CDH12: variants seen among roughly 807,000 people sequenced by gnomAD.
CDH12 encodes cadherin-12.
Under a neutral mutation model 74.1 loss-of-function variants are expected in CDH12, and 41 were observed. That is an observed-to-expected ratio of 0.55 (90% CI 0.43 to 0.72). The LOEUF (loss-of-function observed/expected upper bound fraction) is 0.72. Ranked by LOEUF, CDH12 falls within the 30% of genes least tolerant of loss-of-function variation. CDH12 has a pLI of 0.00. For missense variants in CDH12, 945 were observed against 977.2 expected, an observed-to-expected ratio of 0.97 and a Z score of 0.44; for synonymous variants, 399 against 355.0, an observed-to-expected ratio of 1.12 and a Z score of -1.39.
chr5:22,828,716 G>A (rs533274210), intron 1 of CDH12, among the ~76,000 whole-genome samples: 23 of 152,254 alleles, frequency 1.5e-4, no homozygotes, highest in South Asian at 4.1e-4. Context: ...TATTCTGTGC[G>A]TGCTAGAAAA....
At chr5:22,028,511 A>G (rs1211423988) in intron 5 of CDH12, among the ~76,000 whole-genome samples, 6 of 152,188 alleles carry the variant, frequency 3.9e-5, no homozygotes, top group Non-Finnish European at 5.9e-5. Flanking sequence ...CCCATTCACA[A>G]TTGCTTCAAA....
chr5:22,678,495 T>A (rs1238877586), intron 1 of CDH12, among the ~76,000 whole-genome samples: 1 of 152,156 alleles, frequency 6.6e-6, no homozygotes, highest in Non-Finnish European at 1.5e-5. Flanking sequence ...ATGAATGGTA[T>A]ATAATGAGAG....
intron 3 of CDH12, among the ~76,000 whole-genome samples, chr5:22,360,935 A>G (rs1167479285): frequency 2.0e-5 from 3 of 152,174 alleles, no homozygotes; most frequent in African/African-American, 7.2e-5. Flanking sequence ...GTATCTCAAA[A>G]TAATAAGAGC....
chr5:22,220,371 AAATG>A (rs1271838877), intron 3 of CDH12, among the ~76,000 whole-genome samples: 1 of 151,390 alleles, frequency 6.6e-6, no homozygotes, highest in African/African-American at 2.4e-5. Flanking sequence ...AAAGTCCCAT[AAATG>A]AATGCATCTA....
At chr5:22,724,050 C>T (rs116308254) in intron 1 of CDH12, among the ~76,000 whole-genome samples, 1,779 of 151,540 alleles carry the variant, frequency 0.012, 29 homozygotes, top group African/African-American at 0.041. Flanking sequence ...AAATTCTTAG[C>T]GTCACATAGG....
intron 1 of CDH12, among the ~76,000 whole-genome samples, chr5:22,671,217 A>C (rs1740882454): frequency 6.6e-6 from 1 of 152,102 alleles, no homozygotes; most frequent in African/African-American, 2.4e-5. Context: ...TAATAAACAC[A>C]TTCAACATTC....
chr5:22,306,840 G>T (rs1232271099), intron 3 of CDH12, among the ~76,000 whole-genome samples: 1 of 152,132 alleles, frequency 6.6e-6, no homozygotes, highest in Non-Finnish European at 1.5e-5. Context: ...GATGTACCAT[G>T]CCTCTACATT....
At chr5:21,879,694 G>A (rs1157183251) in intron 6 of CDH12, among the ~76,000 whole-genome samples, 3 of 152,026 alleles carry the variant, frequency 2.0e-5, no homozygotes, top group African/African-American at 7.3e-5. Flanking sequence ...TAAGCCAGGG[G>A]TAAAATATAG....
chr5:21,874,791 A>C (rs1355624766), intron 6 of CDH12, among the ~76,000 whole-genome samples: 1 of 152,102 alleles, frequency 6.6e-6, no homozygotes, highest in African/African-American at 2.4e-5. Context: ...GGCGGTGCCC[A>C]TTGCTGCTCC....
At chr5:22,030,441 A>G (rs952485938) in intron 5 of CDH12, among the ~76,000 whole-genome samples, 1 of 152,156 alleles carries the variant, frequency 6.6e-6, no homozygotes, top group African/African-American at 2.4e-5. Context: ...ATTGTGAATG[A>G]GCAGTAATAT....
intron 3 of CDH12, among the ~76,000 whole-genome samples, chr5:22,338,705 C>A (rs1739707498): frequency 6.6e-6 from 1 of 151,744 alleles, no homozygotes; most frequent in Non-Finnish European, 1.5e-5. Flanking sequence ...TACTATGTAC[C>A]CACAAAATTT....
chr5:22,107,133 CTT>C (rs562097009), intron 4 of CDH12, among the ~76,000 whole-genome samples: 1,915 of 138,852 alleles, frequency 0.014, 51 homozygotes, highest in African/African-American at 0.048. Flanking sequence ...CACATTTCTA[CTT>C]TTTTTTTTTT....
At chr5:21,930,531 G>T (rs747185057) in intron 6 of CDH12, among the ~76,000 whole-genome samples, 24 of 152,032 alleles carry the variant, frequency 1.6e-4, no homozygotes, top group Non-Finnish European at 3.2e-4. Flanking sequence ...TACATAATAG[G>T]GTTGTCCTGA....
chr5:21,930,130 T>C (rs1055961113), intron 6 of CDH12, among the ~76,000 whole-genome samples: 5 of 152,188 alleles, frequency 3.3e-5, no homozygotes, highest in Non-Finnish European at 5.9e-5. Context: ...AATCACAGAT[T>C]TAATGAGTGA....
chr5:22,406,080 C>T (rs1280170491), intron 2 of CDH12, among the ~76,000 whole-genome samples: 1 of 152,090 alleles, frequency 6.6e-6, no homozygotes, highest in African/African-American at 2.4e-5. Context: ...CAATTCAATA[C>T]TGGTTGAATC....
At chr5:22,454,506 T>C (rs1745188688) in intron 2 of CDH12, among the ~76,000 whole-genome samples, 1 of 151,978 alleles carries the variant, frequency 6.6e-6, no homozygotes, top group Admixed American at 6.6e-5. Flanking sequence ...TGGAGTCTCA[T>C]TCTGTCGGCC....
chr5:22,256,706 T>C lies in CDH12; in HGVS notation c.-332-44063A>G, dbSNP rs139696281. Among the ~76,000 whole-genome samples the C allele has an allele frequency of 6.8e-4, 103 of 152,258 alleles. No homozygotes were observed. The East Asian group carries it at 0.018, about 27-fold the overall frequency. On this transcript the variant is annotated intron_variant, in intron 3 of 14. Coordinates refer to ENST00000382254, the MANE Select transcript of CDH12 (RefSeq NM_004061.5). Reference sequence around the variant, plus strand: ...AAGATTTGGTGGTGGAAGATAATGATATTGATAATCTTGACCCTGTGCACG... The same window carrying C: ...AAGATTTGGTGGTGGAAGATAATGACATTGATAATCTTGACCCTGTGCACG...
chr5:22,666,958 T>C (rs1428380717), intron 1 of CDH12, among the ~76,000 whole-genome samples: 1 of 152,210 alleles, frequency 6.6e-6, no homozygotes, highest in African/African-American at 2.4e-5. Context: ...TAACTCCCTC[T>C]GAACTTCTAC....
chr5:22,115,461 GCCATCAACTGCTTCACAGCA>G (rs1229720345), intron 4 of CDH12, among the ~76,000 whole-genome samples: 2 of 152,062 alleles, frequency 1.3e-5, no homozygotes, highest in Non-Finnish European at 2.9e-5. Flanking sequence ...ACAATATATT[GCCATCAACTGCTTCACAGCA>G]CCAAGTTTTT....
Sources: allele counts gnomAD v4.1 joint callset (sites outside exome capture counted in the v4.1 genomes callset), GRCh38; gene constraint gnomAD v4.1.1; transcripts MANE v1.5; gene names NCBI Gene and HGNC (gene_info 2026-07-23, HGNC 2026-07-21).